TNNI3K: variants seen among roughly 807,000 people sequenced by gnomAD.
The protein encoded by TNNI3K is serine/threonine-protein kinase TNNI3K.
Under a neutral mutation model 114.5 loss-of-function variants are expected in TNNI3K, and 140 were observed. That is an observed-to-expected ratio of 1.22 (90% CI 1.07 to 1.41). The LOEUF (loss-of-function observed/expected upper bound fraction) is 1.41. Among genes scored for constraint, TNNI3K ranks in the 40% most tolerant of loss-of-function variants. The probability of loss-of-function intolerance (pLI) is 0.00; values close to 1 mark genes in which losing one functional copy is unlikely to be tolerated. For synonymous variants in TNNI3K, 347 were observed against 347.5 expected, an observed-to-expected ratio of 1.00 and a Z score of 0.02; for missense variants, 1,125 against 1,007.6, an observed-to-expected ratio of 1.12 and a Z score of -1.58.
chr1:74,390,824 G>A (rs764098156), intron 17 of TNNI3K, among the ~76,000 whole-genome samples: 37 of 152,236 alleles, frequency 2.4e-4, no homozygotes, highest in Non-Finnish European at 4.7e-4. Context: ...TTCTCTGAGA[G>A]GGTGACATCT....
chr1:74,281,825 A>G (rs1390203714), intron 5 of TNNI3K, among the ~76,000 whole-genome samples: 4 of 151,858 alleles, frequency 2.6e-5, no homozygotes, highest in African/African-American at 9.7e-5. Context: ...TATGGTTTAG[A>G]TGAGTCTTTT....
chr1:74,363,328 G>C (rs899679867), intron 11 of TNNI3K, among the ~76,000 whole-genome samples: 1 of 152,044 alleles, frequency 6.6e-6, no homozygotes, highest in Non-Finnish European at 1.5e-5. Flanking sequence ...TTAGCATGAG[G>C]GGGGAAATCA....
chr1:74,338,847 G>C (rs1307976972), intron 7 of TNNI3K, among the ~76,000 whole-genome samples: 1 of 152,098 alleles, frequency 6.6e-6, no homozygotes, highest in Non-Finnish European at 1.5e-5. Flanking sequence ...AGCTACTTTA[G>C]AGCATTATTA....
chr1:74,439,304 C>A, intron 19 of TNNI3K, 186 bp from the exon 20 acceptor site: 1 of 798,336 alleles, frequency 1.3e-6, no homozygotes, highest in Non-Finnish European at 1.7e-6. Flanking sequence ...CCACAGTAAA[C>A]ACACTGTGTA....
At chr1:74,437,572 C>A (rs1414429447) in intron 19 of TNNI3K, among the ~76,000 whole-genome samples, 1 of 150,746 alleles carries the variant, frequency 6.6e-6, no homozygotes, top group African/African-American at 2.4e-5. Flanking sequence ...CAGGTGGGGG[C>A]AATAGTAAGT....
chr1:74,318,383 G>T (rs1210317650), intron 5 of TNNI3K, among the ~76,000 whole-genome samples: 1 of 152,118 alleles, frequency 6.6e-6, no homozygotes, highest in African/African-American at 2.4e-5. Context: ...TGACTCTTAG[G>T]TTACCAGGAT....
At chr1:74,376,792 T>G (rs554746682) in intron 17 of TNNI3K, 1 of 151,528 alleles carries the variant, frequency 6.6e-6, no homozygotes, top group South Asian at 2.1e-4. Flanking sequence ...TTACAAACTT[T>G]CCTGAAGAAT....
chr1:74,387,486 A>G (rs1173370239), intron 17 of TNNI3K, among the ~76,000 whole-genome samples: 1 of 152,212 alleles, frequency 6.6e-6, no homozygotes, highest in Non-Finnish European at 1.5e-5. Flanking sequence ...TTTCAAAAAG[A>G]GAACCATAGG....
intron 5 of TNNI3K, among the ~76,000 whole-genome samples, chr1:74,320,617 T>C (rs1659555715): frequency 6.6e-6 from 1 of 152,208 alleles, no homozygotes; most frequent in South Asian, 2.1e-4. Flanking sequence ...GCCCAAGATT[T>C]AATTGTTAAT....
intron 23 of TNNI3K, among the ~76,000 whole-genome samples, chr1:74,525,738 T>C (rs1646495631): frequency 6.6e-6 from 1 of 152,178 alleles, no homozygotes; most frequent in Non-Finnish European, 1.5e-5. Context: ...GAGAACTTCT[T>C]ACAGCATCCA....
At chr1:74,392,918 T>A (rs757510925) in intron 17 of TNNI3K, among the ~76,000 whole-genome samples, 1 of 152,238 alleles carries the variant, frequency 6.6e-6, no homozygotes, top group Non-Finnish European at 1.5e-5. Flanking sequence ...ATAACTGTTT[T>A]TGCATCTAGA....
At position 74,463,513 on chromosome 1, in the gene TNNI3K, C is replaced by G; in HGVS notation, c.2084C>G (p.Ser695Ter). 6.2e-7 allele frequency: 1 copy of G among 1,614,220 alleles called. No individual in the cohort carries two copies. The highest frequency in any genetic ancestry group is 8.5e-7 in the Non-Finnish European group (1 of 1,180,044). The change falls in exon 21 of 25, where the codon TCA becomes TGA. Residue 695 changes from serine to a stop codon, truncating the protein, a stop_gained. Transcript: ENST00000326637. LOFTEE classifies it high-confidence loss of function. The stretch of plus-strand genomic sequence containing the variant: ...GGCTATTCCATTCCCAAGCCCATAT[C>G]ATCTCTGCTGATACGAGGGTGGAAC... Reference protein sequence around the residue: ...PIGYSIPKPISSLLIRGWNAC... With the variant: ...PIGYSIPKPI
intron 20 of TNNI3K, among the ~76,000 whole-genome samples, chr1:74,442,345 C>T (rs12086846): frequency 0.012 from 1,756 of 152,084 alleles, 31 homozygotes; most frequent in East Asian, 0.056. Context: ...AAATCAATAC[C>T]ACACTATCTT....
intron 23 of TNNI3K, among the ~76,000 whole-genome samples, chr1:74,528,194 A>C (rs1646532035): frequency 6.6e-6 from 1 of 152,200 alleles, no homozygotes; most frequent in Admixed American, 6.5e-5. Flanking sequence ...GGACATGGGC[A>C]CAGGAAAGTG....
chr1:74,370,222 A>G (rs1402813543), intron 16 of TNNI3K, 66 bp from the exon 17 acceptor site: 1 of 1,393,738 alleles, frequency 7.2e-7, no homozygotes, highest in East Asian at 2.5e-5. Context: ...ACTCTTACAC[A>G]TCATTTGCTT....
At chr1:74,465,918 C>T (rs956830680) in intron 21 of TNNI3K, among the ~76,000 whole-genome samples, 2 of 152,152 alleles carry the variant, frequency 1.3e-5, no homozygotes, top group African/African-American at 4.8e-5. Flanking sequence ...AGCAGGGTGC[C>T]CAAGCCAGCA....
intron 5 of TNNI3K, among the ~76,000 whole-genome samples, chr1:74,277,650 G>T (rs761386428): frequency 6.6e-6 from 1 of 152,070 alleles, no homozygotes; most frequent in Non-Finnish European, 1.5e-5. Context: ...CTGGTGTTAC[G>T]TGCTGTAGTT....
At chr1:74,315,241 C>G (rs908475027) in intron 5 of TNNI3K, among the ~76,000 whole-genome samples, 1 of 152,018 alleles carries the variant, frequency 6.6e-6, no homozygotes, top group African/African-American at 2.4e-5. Flanking sequence ...AAAAAGTGAC[C>G]AGAAACAGTG....
At chr1:74,256,087 G>C (rs1164892910) in intron 4 of TNNI3K, among the ~76,000 whole-genome samples, 1 of 152,072 alleles carries the variant, frequency 6.6e-6, no homozygotes, top group African/African-American at 2.4e-5. Flanking sequence ...ACAGGTATTT[G>C]TTTGAACATA....
Sources: gnomAD v4.1 joint callset for allele counts (sites outside exome capture counted in the v4.1 genomes callset) on GRCh38, gnomAD v4.1.1 for gene constraint, MANE v1.5 for transcripts, NCBI Gene and HGNC (gene_info 2026-07-23, HGNC 2026-07-21) for gene names.